Variants in RP1 observed in about 807,000 individuals in gnomAD.
RP1 encodes the protein oxygen-regulated protein 1.
RP1 carries 16 observed loss-of-function variants against 14.8 expected under a neutral mutation model. The observed-to-expected ratio is 1.08, with a 90% CI of 0.73 to 1.65. The LOEUF is 1.65. Among genes scored for constraint, RP1 ranks in the 40% most tolerant of loss-of-function variants. RP1 has a pLI of 0.00. For missense variants in RP1, 2,631 were observed against 2,535.0 expected (o/e 1.04, Z -0.81); for synonymous variants, 876 against 883.6 (o/e 0.99, Z 0.15).
intron 18 of RP1, among the ~76,000 whole-genome samples, chr8:54,736,908 G>T (rs1002280618): frequency 2.0e-5 from 3 of 152,100 alleles, no homozygotes; most frequent in African/African-American, 7.2e-5. Flanking sequence ...TAAGACTGGG[G>T]TCTTATGATA....
In RP1 at chr8:54,585,767, G is replaced by C. The variant is rs1391983799; in HGVS notation, c.-13+26447G>C. Reference sequence around the variant, plus strand: ...TCATTTAATCTTCCATCACAGATACGCTTTCTTCCTGTTGATCGAATCGGC... The same window carrying C: ...TCATTTAATCTTCCATCACAGATACCCTTTCTTCCTGTTGATCGAATCGGC... On this transcript the variant is annotated intron_variant, in intron 1 of 22. Coordinates refer to the RP1 transcript ENST00000636932. Among the ~76,000 whole-genome samples the C allele has an allele frequency of 4.6e-5, 7 of 152,040 alleles. No homozygotes were observed. In the East Asian group the frequency reaches 1.4e-3, roughly 29 times the overall value.
At chr8:54,585,621 C>T (rs1172302404) in intron 1 of RP1, among the ~76,000 whole-genome samples, 1 of 152,210 alleles carries the variant, frequency 6.6e-6, no homozygotes, top group Non-Finnish European at 1.5e-5. Flanking sequence ...ATCCCCGTCA[C>T]TTTCGGGTAC....
chr8:54,715,590 AG>A (rs1304918087), intron 15 of RP1, among the ~76,000 whole-genome samples: 1 of 152,178 alleles, frequency 6.6e-6, no homozygotes, highest in Non-Finnish European at 1.5e-5. Context: ...GTTGTGGTTC[AG>A]GTGTTTCTGC....
At chr8:54,607,656 G>C (rs1805486586) in intron 1 of RP1, among the ~76,000 whole-genome samples, 1 of 152,166 alleles carries the variant, frequency 6.6e-6, no homozygotes, top group Non-Finnish European at 1.5e-5. Flanking sequence ...AGTCTATAGA[G>C]GCAGGCAGGC....
intron 27 of RP1, among the ~76,000 whole-genome samples, chr8:54,864,487 T>G (rs1287582093): frequency 6.6e-6 from 1 of 152,222 alleles, no homozygotes; most frequent in East Asian, 1.9e-4. Context: ...TTTTATTTTT[T>G]ATAGCCATTT....
At chr8:54,759,185 G>C (rs1310665119) in intron 22 of RP1, 98 of 1,143,592 alleles carry the variant, frequency 8.6e-5, no homozygotes, top group Non-Finnish European at 1.1e-4. Flanking sequence ...TATCTTTTAG[G>C]TCACGGATTT....
chr8:54,662,097 A>G (rs1207034992), intron 6 of RP1, among the ~76,000 whole-genome samples: 1 of 152,044 alleles, frequency 6.6e-6, no homozygotes, highest in African/African-American at 2.4e-5. Flanking sequence ...TGTCATCTCA[A>G]TGGTGATGTC....
At position 54,584,891 on chromosome 8, in the gene RP1, T is replaced by G. The variant is rs572765220; in HGVS notation, c.-13+25571T>G. Among the ~76,000 whole-genome samples the G allele has an allele frequency of 2.0e-3, 304 of 152,336 alleles. 1 individual carries two copies. Among genetic ancestry groups the G allele is most frequent in the African/African-American group, 6.9e-3 (287 of 41,576 alleles). On this transcript the variant is annotated intron_variant, in intron 1 of 22. Coordinates refer to the RP1 transcript ENST00000636932. ...CATCCCTTTATTTTGAGCCTATGTGTGTCTCTGCACGTGAGATGGGTTTCC... is the reference window on the plus strand; with the variant it reads ...CATCCCTTTATTTTGAGCCTATGTGGGTCTCTGCACGTGAGATGGGTTTCC...
chr8:54,803,350 A>G (rs997104505), intron 24 of RP1, among the ~76,000 whole-genome samples: 1 of 152,194 alleles, frequency 6.6e-6, no homozygotes. Context: ...TCACAGATGA[A>G]CACGGGAAAA....
rs997085898 is a variant in RP1 at position 54,629,700 on chromosome 8, G to T, written c.5818G>T (p.Glu1940Ter). The T allele has an allele frequency of 4.3e-6, 7 of 1,612,988 alleles. No individual in the cohort carries two copies. Among genetic ancestry groups the T allele is most frequent in the Admixed American group, 3.3e-5 (2 of 59,894 alleles). Residue 1940 changes from glutamate (E) to a stop codon, truncating the protein, a stop_gained, in exon 4 of 4, where the codon GAA (glutamate) becomes TAA (stop). Transcript: ENST00000220676. LOFTEE classifies it low-confidence loss of function (END_TRUNC). ...AGACCGAGGATTTGCATATCGCAAA[G>T]AATCTGATATTGAAAATTTCTTGGG... ...EEDRGFAYRK[E>*]SDIENFLGFY...
intron 14 of RP1, among the ~76,000 whole-genome samples, chr8:54,705,659 G>C (rs1449245240): frequency 6.6e-6 from 1 of 152,148 alleles, no homozygotes; most frequent in Non-Finnish European, 1.5e-5. Context: ...AGAAGCTGAG[G>C]CGAAGGTCAG....
At chr8:54,789,137 G>A (rs564980273) in intron 24 of RP1, among the ~76,000 whole-genome samples, 1 of 152,158 alleles carries the variant, frequency 6.6e-6, no homozygotes, top group Non-Finnish European at 1.5e-5. Context: ...AAGAAGCATG[G>A]CAGGGGTTCA....
chr8:54,598,156 T>A (rs1413503362), intron 1 of RP1, among the ~76,000 whole-genome samples: 1 of 152,212 alleles, frequency 6.6e-6, no homozygotes, highest in African/African-American at 2.4e-5. Context: ...ATTGATATTC[T>A]AAGGTTTAAG....
chr8:54,653,201 C>T (rs377483806), intron 5 of RP1, among the ~76,000 whole-genome samples: 1 of 151,990 alleles, frequency 6.6e-6, no homozygotes, highest in East Asian at 1.9e-4. Flanking sequence ...AAAGATAGAC[C>T]ACTGTGTTGA....
chr8:54,711,595 G>A (rs973073485), intron 15 of RP1, among the ~76,000 whole-genome samples: 10 of 152,218 alleles, frequency 6.6e-5, no homozygotes, highest in Admixed American at 5.2e-4. Flanking sequence ...TTGTAGTAAC[G>A]CCTCCTAACC....
chr8:54,817,843 A>G (rs1019639221), intron 24 of RP1, among the ~76,000 whole-genome samples: 2 of 152,202 alleles, frequency 1.3e-5, no homozygotes, highest in African/African-American at 4.8e-5. Context: ...ATTTTAATTT[A>G]TTAGACTCAG....
chr8:54,867,927 T>C (rs182701119), intron 28 of RP1, among the ~76,000 whole-genome samples: 1 of 152,330 alleles, frequency 6.6e-6, no homozygotes, highest in Admixed American at 6.5e-5. Flanking sequence ...GGTTAGTGAC[T>C]ACCATATTGG....
chr8:54,816,344 T>C (rs1201782895), intron 24 of RP1, among the ~76,000 whole-genome samples: 1 of 152,104 alleles, frequency 6.6e-6, no homozygotes, highest in African/African-American at 2.4e-5. Flanking sequence ...ACATGGAAAA[T>C]GCTAATGGCC....
At chr8:54,826,417 G>C (rs1237019760) in intron 24 of RP1, among the ~76,000 whole-genome samples, 1 of 152,186 alleles carries the variant, frequency 6.6e-6, no homozygotes, top group Non-Finnish European at 1.5e-5. Flanking sequence ...AGAAGTCTAT[G>C]CATAATTGAA....
Sources: allele counts gnomAD v4.1 joint callset (sites outside exome capture counted in the v4.1 genomes callset), GRCh38; gene constraint gnomAD v4.1.1; transcripts MANE v1.5; gene names NCBI Gene and HGNC (gene_info 2026-07-23, HGNC 2026-07-21).